Variants in GNAS-AS1 observed in about 807,000 individuals in gnomAD.
GNAS-AS1 encodes GNAS antisense RNA 1.
At chr20:58,818,957 C>T (rs2085466925) in exon 5 of GNAS-AS1, 1 of 398,236 alleles carries the variant, frequency 2.5e-6, no homozygotes, top group South Asian at 1.3e-4. Context: ...GGCCTTTATT[C>T]AACACTAGAT....
At chr20:58,846,155 A>G (rs2085932139) in intron 2 of GNAS-AS1, among the ~76,000 whole-genome samples, 1 of 152,188 alleles carries the variant, frequency 6.6e-6, no homozygotes, top group Non-Finnish European at 1.5e-5. Context: ...CCTGGGAAGG[A>G]GCAGAAAAGA....
chr20:58,829,192 A>T (rs1600645311), intron 4 of GNAS-AS1, among the ~76,000 whole-genome samples: 1 of 152,250 alleles, frequency 6.6e-6, no homozygotes, highest in African/African-American at 2.4e-5. Flanking sequence ...TCATCCTGAC[A>T]CAGCCAATTC....
chr20:58,837,899 T>C (rs1048324641), intron 4 of GNAS-AS1, among the ~76,000 whole-genome samples: 20 of 152,134 alleles, frequency 1.3e-4, no homozygotes, highest in Non-Finnish European at 1.3e-4. Flanking sequence ...ACGGGTGTGG[T>C]GTTGAAGGTG....
chr20:58,847,184 T>G (rs1236481191), intron 2 of GNAS-AS1, among the ~76,000 whole-genome samples: 2 of 152,246 alleles, frequency 1.3e-5, no homozygotes, highest in African/African-American at 4.8e-5. Flanking sequence ...GGGTCTGAAC[T>G]CACGATGGGG....
At chr20:58,824,262 G>A (rs1295197102) in intron 4 of GNAS-AS1, among the ~76,000 whole-genome samples, 3 of 152,244 alleles carry the variant, frequency 2.0e-5, no homozygotes, top group South Asian at 4.1e-4. Context: ...GACGGGCAGC[G>A]CAGCTGCGCT....
rs1209403555 is a variant in GNAS-AS1, at chr20:58,840,517, C to T, written n.819+1420G>A. The T allele has an allele frequency of 3.1e-6, 5 of 1,613,520 alleles. No homozygotes were observed. Among genetic ancestry groups the T allele is most frequent in the African/African-American group, 2.7e-5 (2 of 74,918 alleles). ...CTGAGACCGCCCCCACCACTGAGCCCGAGACCGAGCCTGAAGACGATCGCG... is the reference window on the plus strand; with the variant it reads ...CTGAGACCGCCCCCACCACTGAGCCTGAGACCGAGCCTGAAGACGATCGCG... On this transcript the variant is annotated intron_variant and non_coding_transcript_variant, in intron 4 of 4. Transcript: ENST00000424094. This position sits in a 1 kb window ranked among gnomAD's most constrained non-coding sequence, Gnocchi z 6.0.
At position 58,838,940 on chromosome 20, in the gene GNAS-AS1, A is replaced by C. The variant is rs2085638295; in HGVS notation, n.819+2997T>G. 3.5e-5 allele frequency: 14 copies of C among 397,688 alleles called. No homozygotes were observed. The South Asian group carries it at 1.5e-3, about 44-fold the overall frequency. The allele number at this position is 397,688 out of a possible 1,614,324, so 24.6% of individuals were successfully genotyped here. On this transcript the variant is annotated intron_variant and non_coding_transcript_variant, in intron 4 of 4. Transcript: ENST00000424094. ...TCAAAAAAAAAAAAAAAAAAAAAAA[A>C]ACCTACCTAGGAAATGGCTGTAAGG...
At chr20:58,830,582 C>CCGCCA (rs1568900688) in intron 4 of GNAS-AS1, among the ~76,000 whole-genome samples, 1 of 5,118 alleles carries the variant, frequency 2.0e-4, no homozygotes, top group Admixed American at 2.6e-3. Flanking sequence ...CACACCACCA[C>CCGCCA]CACCACAATC....
At position 58,841,534 on chromosome 20, in the gene GNAS-AS1, C is replaced by A; in HGVS notation, n.819+403G>T. On this transcript the variant is annotated intron_variant and non_coding_transcript_variant, in intron 4 of 4. Transcript: ENST00000424094. This position sits in a 1 kb window ranked among gnomAD's most constrained non-coding sequence, Gnocchi z 5.0. Reference sequence around the variant, plus strand: ...CCTCCGCGCCAGTGCCTCCAGCTGCCGTGCGCCAGCCTTGGCCGCCACAGC... The same window carrying A: ...CCTCCGCGCCAGTGCCTCCAGCTGCAGTGCGCCAGCCTTGGCCGCCACAGC... 2 of 995,012 alleles carry A rather than the reference C, an allele frequency of 2.0e-6. No individual in the cohort carries two copies. The highest frequency in any genetic ancestry group is 9.3e-5 in the South Asian group (2 of 21,408). The allele number at this position is 995,012 out of a possible 1,614,324, so 61.6% of individuals were successfully genotyped here.
At chr20:58,822,792 G>A (rs1011601198) in intron 4 of GNAS-AS1, among the ~76,000 whole-genome samples, 1 of 151,902 alleles carries the variant, frequency 6.6e-6, no homozygotes, top group Non-Finnish European at 1.5e-5. Flanking sequence ...TCGCCCCAAG[G>A]CCCCGGAGTG....
At chr20:58,821,430 G>A (rs2085486344) in intron 4 of GNAS-AS1, among the ~76,000 whole-genome samples, 1 of 152,168 alleles carries the variant, frequency 6.6e-6, no homozygotes, top group African/African-American at 2.4e-5. Flanking sequence ...TTCAAATCCG[G>A]ACTCCACGAT....
In GNAS-AS1 at chr20:58,840,791, G is replaced by T; in HGVS notation, n.819+1146C>A. Reference sequence around the variant, plus strand: ...GCCAAAGAAGCCCACCCGCCGTGACGCGTCCCCGGAGTCCCCTTCCAAAAA... The same window carrying T: ...GCCAAAGAAGCCCACCCGCCGTGACTCGTCCCCGGAGTCCCCTTCCAAAAA... On this transcript the variant is annotated intron_variant and non_coding_transcript_variant, in intron 4 of 4. Coordinates refer to ENST00000424094, the Ensembl canonical transcript of GNAS-AS1. This position sits in a 1 kb window ranked among gnomAD's most constrained non-coding sequence, Gnocchi z 6.0. 1 of 1,611,920 alleles carries T rather than the reference G, an allele frequency of 6.2e-7. No homozygotes were observed.
chr20:58,830,584 A>G, intron 4 of GNAS-AS1, among the ~76,000 whole-genome samples: 1 of 100,690 alleles, frequency 9.9e-6, no homozygotes, highest in African/African-American at 4.0e-5. Flanking sequence ...CACCACCACC[A>G]CCACAATCAC....
Position 58,841,560 on chromosome 20 carries a change from C to T in GNAS-AS1, n.819+377G>A, listed in dbSNP as rs762568289. On this transcript the variant is annotated intron_variant and non_coding_transcript_variant, in intron 4 of 4. Coordinates refer to ENST00000424094, the Ensembl canonical transcript of GNAS-AS1. This position sits in a 1 kb window ranked among gnomAD's most constrained non-coding sequence, Gnocchi z 5.0. The stretch of plus-strand genomic sequence containing the variant: ...GTGCGCCAGCCTTGGCCGCCACAGC[C>T]CGCCTCCCGTCGCTCGCGGGACAGA... The T allele has an allele frequency of 1.2e-3, 1,231 of 999,204 alleles. 1 individual carries two copies. The highest frequency in any genetic ancestry group is 1.4e-3 in the Non-Finnish European group (1,194 of 839,564). 61.9% of individuals were successfully genotyped at this position (999,204 alleles called of 1,614,324 possible).
chr20:58,830,477 A>C, intron 4 of GNAS-AS1, among the ~76,000 whole-genome samples: 1 of 107,464 alleles, frequency 9.3e-6, no homozygotes, highest in Non-Finnish European at 1.9e-5. Flanking sequence ...CACCACCATC[A>C]TCACCATCAC....
intron 2 of GNAS-AS1, among the ~76,000 whole-genome samples, chr20:58,845,214 T>C (rs1272058172): frequency 1.3e-5 from 2 of 152,190 alleles, no homozygotes; most frequent in Non-Finnish European, 2.9e-5. Context: ...ACAAGTGCTG[T>C]TGAAAGTTTT....
rs1568900312 is a variant in GNAS-AS1 at position 58,830,446 on chromosome 20, C to CCAGCACCATCACCACCACCA, written n.820-11192_820-11191insTGGTGGTGGTGATGGTGCTG. Among the ~76,000 whole-genome samples the CCAGCACCATCACCACCACCA allele has an allele frequency of 8.2e-4, 88 of 107,274 alleles. 4 individuals are homozygous for CCAGCACCATCACCACCACCA. Among genetic ancestry groups the CCAGCACCATCACCACCACCA allele is most frequent in the African/African-American group, 2.1e-3 (61 of 28,576 alleles). 70.4% of individuals were successfully genotyped at this position (107,274 alleles called of 152,430 possible). A position where few individuals can be genotyped will look rare whatever the true frequency, so the allele number is the denominator to read the frequency against. On this transcript the variant is annotated intron_variant and non_coding_transcript_variant, in intron 4 of 4. Transcript: ENST00000424094. ...CACCGCCACACCACCATCATTACCA[C>CCAGCACCATCACCACCACCA]CACCACCATCACCACCACCACACCA...
intron 4 of GNAS-AS1, among the ~76,000 whole-genome samples, chr20:58,822,095 C>T (rs1467398969): frequency 6.6e-6 from 1 of 152,204 alleles, no homozygotes; most frequent in Non-Finnish European, 1.5e-5. Context: ...AAGGGGCCCA[C>T]CAGGAGGAAG....
chr20:58,827,448 C>A (rs2145453701), intron 4 of GNAS-AS1, among the ~76,000 whole-genome samples: 1 of 152,332 alleles, frequency 6.6e-6, no homozygotes. Context: ...TCTGTGTTGG[C>A]CTATGAGCAG....
Sources: gnomAD v4.1 joint callset for allele counts (sites outside exome capture counted in the v4.1 genomes callset) on GRCh38, gnomAD v4.1.1 for gene constraint, Gnocchi (gnomAD v3.1) non-coding constraint, MANE v1.5 for transcripts, NCBI Gene and HGNC (gene_info 2026-07-23, HGNC 2026-07-21) for gene names.